Variants in COLEC11 observed in about 807,000 individuals in gnomAD.
The protein encoded by COLEC11 is collectin subfamily member 11.
A neutral mutation model predicts 27.3 loss-of-function variants in COLEC11; 20 were observed. The ratio of observed to expected loss-of-function variants is 0.73; its 90% CI spans 0.51 to 1.06. COLEC11 has a LOEUF of 1.06. COLEC11 is among the 50% of genes least tolerant of loss of function. The pLI is 0.00. For missense variants in COLEC11, 310 were observed against 383.0 expected (o/e 0.81, Z 1.59); for synonymous variants, 163 against 154.7 (o/e 1.05, Z -0.40).
chr2:3,643,330 C>A, intron 5 of COLEC11, 114 bp from the exon 6 acceptor site: 2 of 883,172 alleles, frequency 2.3e-6, no homozygotes, highest in Non-Finnish European at 1.9e-6. Context: ...GCCTCAAAGG[C>A]CCGTGGGGCA....
chr2:3,637,569 G>T lies in COLEC11; in HGVS notation c.239G>T (p.Gly80Val). 2 of 1,614,166 alleles carry T rather than the reference G, an allele frequency of 1.2e-6. No individual in the cohort carries two copies. Among genetic ancestry groups the T allele is most frequent in the South Asian group, 1.1e-5 (1 of 91,086 alleles). Residue 80 changes from glycine (G) to valine (V), a missense_variant, in exon 4 of 7, where the codon GGT (glycine) becomes GTT (valine). Gly to Val is a moderately radical substitution (Grantham distance 109). Coordinates refer to ENST00000349077, the MANE Select transcript of COLEC11 (RefSeq NM_024027.5). ...GACAAAGGACAGAAAGGCAGTGTGG[G>T]TCGTCATGGAAAAATTGGTCCCATT... Reference protein sequence around the residue: ...MGDKGQKGSVGRHGKIGPIGS... With the variant: ...MGDKGQKGSVVRHGKIGPIGS...
At chr2:3,608,752 G>C (rs376301179) in intron 2 of COLEC11, among the ~76,000 whole-genome samples, 3 of 152,372 alleles carry the variant, frequency 2.0e-5, no homozygotes, top group East Asian at 3.8e-4. Flanking sequence ...AAGATGCGTG[G>C]ACAGGGCAAG....
intron 1 of COLEC11, among the ~76,000 whole-genome samples, chr2:3,600,295 C>A (rs1221473604): frequency 6.6e-6 from 1 of 151,682 alleles, no homozygotes; most frequent in South Asian, 2.1e-4. Context: ...TGGCTCACAC[C>A]TGTAGTCCCA....
intron 4 of COLEC11, 72 bp from the exon 5 acceptor site, chr2:3,640,206 G>A (rs1665744440): frequency 1.1e-5 from 10 of 917,342 alleles, no homozygotes; most frequent in Middle Eastern, 5.1e-4. Context: ...CACATTTTCA[G>A]TCTTGATGTT....
chr2:3,604,417 A>G lies in COLEC11; in HGVS notation c.77A>G (p.Gln26Arg), dbSNP rs555187858. 1 of 1,614,204 alleles carries G rather than the reference A, an allele frequency of 6.2e-7. No homozygotes were observed. The highest frequency in any genetic ancestry group is 8.5e-7 in the Non-Finnish European group (1 of 1,180,046). ...TCACTGCTGCCATCTGGACATCCTC[A>G]GCCGGCTGGCGATGACGCCTGCTCT... is the stretch of plus-strand genomic sequence containing the variant. ...FLSLLPSGHPQPAGDDACSVQ... is the reference protein window; with the variant it reads ...FLSLLPSGHPRPAGDDACSVQ... Residue 26 changes from glutamine (Q) to arginine (R), a missense_variant, in exon 2 of 7, where the codon CAG becomes CGG. Physicochemically the swap from Gln to Arg is conservative, Grantham distance 43. Coordinates refer to ENST00000349077, the MANE Select transcript of COLEC11 (RefSeq NM_024027.5).
At chr2:3,636,482 A>G (rs1665425648) in intron 3 of COLEC11, among the ~76,000 whole-genome samples, 2 of 152,216 alleles carry the variant, frequency 1.3e-5, no homozygotes, top group Non-Finnish European at 2.9e-5. Flanking sequence ...CCCACCACCC[A>G]CTGTCTTGCA....
At chr2:3,603,945 T>G in intron 1 of COLEC11, 1 of 572,130 alleles carries the variant, frequency 1.7e-6, no homozygotes, top group South Asian at 2.2e-5. Context: ...TGCCCAGCTC[T>G]GCAGAGGCTC....
intron 1 of COLEC11, among the ~76,000 whole-genome samples, chr2:3,597,686 A>C (rs1302876644): frequency 2.0e-5 from 3 of 152,028 alleles, no homozygotes; most frequent in African/African-American, 7.2e-5. Flanking sequence ...AAAAAAAAAA[A>C]AACTAAACCC....
chr2:3,604,001 T>C (rs1050801229), intron 1 of COLEC11: 47 of 566,238 alleles, frequency 8.3e-5, no homozygotes, highest in Non-Finnish European at 1.3e-4. Flanking sequence ...TACTCCACTC[T>C]GTGTAGGAAT....
At chr2:3,635,967 A>G (rs10864995) in intron 3 of COLEC11, among the ~76,000 whole-genome samples, 123,969 of 152,282 alleles carry the variant, frequency 0.81, 50,698 homozygotes, top group African/African-American at 0.89. Flanking sequence ...CTGCAGGGGC[A>G]TGTGTGGTTT....
intron 3 of COLEC11, among the ~76,000 whole-genome samples, chr2:3,618,658 A>G (rs1249218154): frequency 6.6e-6 from 1 of 152,196 alleles, no homozygotes; most frequent in Non-Finnish European, 1.5e-5. Flanking sequence ...TGCTTTGGCT[A>G]TACATGACCT....
intron 3 of COLEC11, among the ~76,000 whole-genome samples, chr2:3,629,026 C>T (rs942350923): frequency 7.2e-5 from 11 of 152,188 alleles, no homozygotes; most frequent in Admixed American, 6.5e-4. Flanking sequence ...GGGGGCGTTG[C>T]TTGCCTCTTG....
chr2:3,633,088 T>G (rs1023439177), intron 3 of COLEC11, among the ~76,000 whole-genome samples: 6 of 152,112 alleles, frequency 3.9e-5, no homozygotes, highest in African/African-American at 1.4e-4. Flanking sequence ...TCAAGGACAG[T>G]GACAGGGAGA....
chr2:3,636,272 T>C (rs1369809054), intron 3 of COLEC11, among the ~76,000 whole-genome samples: 2 of 152,138 alleles, frequency 1.3e-5, no homozygotes, highest in African/African-American at 4.8e-5. Flanking sequence ...CTGGCTAACA[T>C]AGTGAAACCC....
At chr2:3,630,233 A>G (rs1368616191) in intron 3 of COLEC11, among the ~76,000 whole-genome samples, 5 of 152,206 alleles carry the variant, frequency 3.3e-5, no homozygotes, top group Admixed American at 6.5e-5. Flanking sequence ...TATGCATATC[A>G]GGGTAGTACG....
chr2:3,613,432 G>A (rs750593890), intron 3 of COLEC11, 50 bp downstream of exon 3: 15 of 1,539,414 alleles, frequency 9.7e-6, no homozygotes, highest in African/African-American at 1.4e-5. Flanking sequence ...TGGAGGCACC[G>A]CTCCTGCTAG....
At chr2:3,643,023 G>A (rs1237074569) in intron 5 of COLEC11, among the ~76,000 whole-genome samples, 1 of 152,150 alleles carries the variant, frequency 6.6e-6, no homozygotes, top group Non-Finnish European at 1.5e-5. Context: ...CCTGACAGAC[G>A]CCACTGCGCC....
At chr2:3,610,853 C>T (rs555401822) in intron 2 of COLEC11, among the ~76,000 whole-genome samples, 9 of 152,134 alleles carry the variant, frequency 5.9e-5, no homozygotes, top group Non-Finnish European at 1.0e-4. Flanking sequence ...TTCTTGCGTC[C>T]GGTGTTGCTA....
chr2:3,637,249 G>T (rs1445984539), intron 3 of COLEC11, among the ~76,000 whole-genome samples: 1 of 152,230 alleles, frequency 6.6e-6, no homozygotes, highest in Non-Finnish European at 1.5e-5. Flanking sequence ...ATGGACCGTG[G>T]TTGAGTTTGG....
Sources: gnomAD v4.1 joint callset for allele counts (sites outside exome capture counted in the v4.1 genomes callset) on GRCh38, gnomAD v4.1.1 for gene constraint, MANE v1.5 for transcripts, NCBI Gene and HGNC (gene_info 2026-07-23, HGNC 2026-07-21) for gene names.